CDK17: variants seen among roughly 807,000 people sequenced by gnomAD.
The protein encoded by CDK17 is cyclin-dependent kinase 17.
Under a neutral mutation model 77.6 loss-of-function variants are expected in CDK17, and 24 were observed. The observed-to-expected ratio is 0.31, with a 90% CI of 0.22 to 0.44. The LOEUF is 0.44. Ranked by LOEUF, CDK17 falls within the 20% of genes least tolerant of loss-of-function variation. The probability of loss-of-function intolerance (pLI) is 1.00; values close to 1 mark genes in which losing one functional copy is unlikely to be tolerated. For missense variants in CDK17, 429 were observed against 622.5 expected (o/e 0.69, Z 3.31); for synonymous variants, 203 against 210.4 (o/e 0.96, Z 0.30).
intron 2 of CDK17, among the ~76,000 whole-genome samples, chr12:96,329,601 T>C (rs1592732210): frequency 6.6e-6 from 1 of 152,232 alleles, no homozygotes; most frequent in East Asian, 1.9e-4. Flanking sequence ...AGATCCTACA[T>C]ATATCCAATG....
intron 1 of CDK17, among the ~76,000 whole-genome samples, chr12:96,363,280 G>A (rs978396842): frequency 1.3e-5 from 2 of 151,444 alleles, no homozygotes; most frequent in Non-Finnish European, 2.9e-5. Context: ...GTGAAACCCC[G>A]TCTCTACTAA....
At chr12:96,368,155 C>T (rs1257306431) in intron 1 of CDK17, among the ~76,000 whole-genome samples, 1 of 151,898 alleles carries the variant, frequency 6.6e-6, no homozygotes, top group Non-Finnish European at 1.5e-5. Flanking sequence ...CTATTCAACA[C>T]AGAACAGTAG....
At chr12:96,381,381 A>G (rs1953877385) in intron 1 of CDK17, among the ~76,000 whole-genome samples, 1 of 149,700 alleles carries the variant, frequency 6.7e-6, no homozygotes, top group Admixed American at 6.7e-5. Context: ...AAAAAAAAAA[A>G]GATGCTCTTT....
At chr12:96,284,565 CT>C (rs1376483277) in intron 13 of CDK17, 236 of 138,008 alleles carry the variant, frequency 1.7e-3, no homozygotes, top group Non-Finnish European at 1.6e-3. Flanking sequence ...TAGGGATTAT[CT>C]TTTTTTTTTT....
At chr12:96,323,278 A>T (rs1424146218) in intron 3 of CDK17, among the ~76,000 whole-genome samples, 1 of 127,662 alleles carries the variant, frequency 7.8e-6, no homozygotes, top group Non-Finnish European at 1.7e-5. Context: ...TAAAAAAAAA[A>T]AAAAAACAAA....
At chr12:96,329,104 A>G (rs922806797) in intron 2 of CDK17, among the ~76,000 whole-genome samples, 1 of 152,184 alleles carries the variant, frequency 6.6e-6, no homozygotes, top group Non-Finnish European at 1.5e-5. Flanking sequence ...GCAAATTCAT[A>G]GACAGTAGAA....
At chr12:96,386,577 G>A (rs928177563) in intron 1 of CDK17, among the ~76,000 whole-genome samples, 4 of 152,046 alleles carry the variant, frequency 2.6e-5, no homozygotes, top group Non-Finnish European at 5.9e-5. Flanking sequence ...AGGATCTCTC[G>A]AGTCCATGAG....
chr12:96,390,673 C>CACTCCAGCCTGGACGATGGGGTGAG (rs1954052722), intron 1 of CDK17, among the ~76,000 whole-genome samples: 1 of 135,938 alleles, frequency 7.4e-6, no homozygotes, highest in Non-Finnish European at 1.5e-5. Flanking sequence ...CGCACCACTG[C>CACTCCAGCCTGGACGATGGGGTGAG]ACTCCAGCCT....
At chr12:96,382,964 A>C (rs2137230868) in intron 1 of CDK17, among the ~76,000 whole-genome samples, 1 of 148,138 alleles carries the variant, frequency 6.8e-6, no homozygotes, top group East Asian at 1.9e-4. Context: ...TGAATAGAGA[A>C]AGAAGACATC....
Position 96,307,208 on chromosome 12 carries a change from T to C in CDK17, c.543+3844A>G, listed in dbSNP as rs187085433. Among the ~76,000 whole-genome samples the C allele has an allele frequency of 2.1e-4, 32 of 152,100 alleles. No homozygotes were observed. In the East Asian group the frequency reaches 5.6e-3, roughly 27 times the overall value. ...TACTCGGGAGGCTGAAGCAGGAGAA[T>C]CGCTTGAACCCGGGAGGCGAAGGTT... On this transcript the variant is annotated intron_variant, in intron 5 of 16. Transcript: ENST00000261211.
At chr12:96,317,450 C>A (rs1272055763) in intron 3 of CDK17, among the ~76,000 whole-genome samples, 22 of 113,206 alleles carry the variant, frequency 1.9e-4, no homozygotes, top group African/African-American at 6.6e-4. Flanking sequence ...ACAGAGAATG[C>A]CACAAAGATA....
intron 10 of CDK17, among the ~76,000 whole-genome samples, chr12:96,291,365 C>T (rs151268100): frequency 2.6e-5 from 4 of 152,020 alleles, no homozygotes; most frequent in Admixed American, 6.6e-5. Context: ...GATCATGACT[C>T]GCTGAAGCCT....
chr12:96,303,506 T>A (rs891288311), intron 5 of CDK17: 1 of 152,054 alleles, frequency 6.6e-6, no homozygotes, highest in African/African-American at 2.4e-5. Context: ...CTATCACTGC[T>A]CAAAGCTTAT....
intron 1 of CDK17, among the ~76,000 whole-genome samples, chr12:96,343,140 G>C (rs1953146956): frequency 6.6e-6 from 1 of 152,194 alleles, no homozygotes; most frequent in Admixed American, 6.5e-5. Flanking sequence ...GGTGTAAAAT[G>C]TCAGAGAAGA....
chr12:96,374,174 G>A (rs966155356), intron 1 of CDK17, among the ~76,000 whole-genome samples: 37 of 152,212 alleles, frequency 2.4e-4, no homozygotes, highest in African/African-American at 8.9e-4. Context: ...CTTTCATGGA[G>A]CAACACGGCA....
In CDK17 at chr12:96,287,869, G is replaced by A. The variant is rs115193031; in HGVS notation, c.1119-1108C>T. ...AGGAAATTCTGGCATACACTACAACGTGAATGAACCTTAAAGACATTATGC... is the reference window on the plus strand; with the variant it reads ...AGGAAATTCTGGCATACACTACAACATGAATGAACCTTAAAGACATTATGC... On this transcript the variant is annotated intron_variant, in intron 11 of 16. Coordinates refer to ENST00000261211, the MANE Select transcript of CDK17 (RefSeq NM_002595.5). 2.0e-3 allele frequency among the ~76,000 whole-genome samples: 311 copies of A among 152,216 alleles called. 1 individual carries two copies. Among genetic ancestry groups the A allele is most frequent in the African/African-American group, 7.3e-3 (302 of 41,538 alleles).
chr12:96,293,140 CA>C (rs1462263907), intron 10 of CDK17, among the ~76,000 whole-genome samples: 3 of 152,078 alleles, frequency 2.0e-5, no homozygotes, highest in African/African-American at 4.8e-5. Flanking sequence ...TTATGAAAAA[CA>C]TTTTTTTTAT....
chr12:96,333,852 A>G (rs545475053), intron 2 of CDK17, among the ~76,000 whole-genome samples: 2 of 152,312 alleles, frequency 1.3e-5, no homozygotes, highest in South Asian at 4.1e-4. Context: ...AGGAAATAAG[A>G]AAACTGAAGC....
intron 1 of CDK17, among the ~76,000 whole-genome samples, chr12:96,390,687 C>T (rs1384428921): frequency 2.5e-5 from 3 of 119,758 alleles, no homozygotes; most frequent in African/African-American, 9.8e-5. Context: ...CCAGCCTGGA[C>T]GATGGGGTGA....
Sources: allele counts gnomAD v4.1 joint callset (sites outside exome capture counted in the v4.1 genomes callset), GRCh38; gene constraint gnomAD v4.1.1; transcripts MANE v1.5; gene names NCBI Gene and HGNC (gene_info 2026-07-23, HGNC 2026-07-21).